Variants in DCC observed in about 807,000 individuals in gnomAD.
The protein encoded by DCC is DCC netrin 1 receptor, also known as netrin receptor DCC.
DCC carries 58 observed loss-of-function variants against 172.5 expected under a neutral mutation model. The ratio of observed to expected loss-of-function variants is 0.34; its 90% confidence interval spans 0.27 to 0.42. The LOEUF (loss-of-function observed/expected upper bound fraction) is 0.42. Ranked by LOEUF, DCC falls within the 10% of genes least tolerant of loss-of-function variation. The pLI, the probability that DCC is intolerant of heterozygous loss-of-function variation, is 1.00. For synonymous variants in DCC, 709 were observed against 644.5 expected (o/e 1.10, Z -1.52); for missense variants, 1,740 against 1,791.0 (o/e 0.97, Z 0.51).
At chr18:53,030,610 C>A (rs768961905) in intron 5 of DCC, among the ~76,000 whole-genome samples, 1 of 152,246 alleles carries the variant, frequency 6.6e-6, no homozygotes, top group Admixed American at 6.5e-5. Context: ...TATGCTGTAA[C>A]AAGGCCCCCA....
chr18:53,417,014 G>A (rs1910350142), intron 21 of DCC, among the ~76,000 whole-genome samples: 2 of 152,174 alleles, frequency 1.3e-5, no homozygotes, highest in South Asian at 4.1e-4. Flanking sequence ...AGTGCTGTCA[G>A]TATTTGTAGA....
chr18:53,154,191 T>A (rs1598854533), intron 7 of DCC, among the ~76,000 whole-genome samples: 1 of 152,150 alleles, frequency 6.6e-6, no homozygotes, highest in African/African-American at 2.4e-5. Context: ...GCATGTCCTG[T>A]ACTGACTCCC....
chr18:52,544,497 G>A (rs184387245), intron 1 of DCC, among the ~76,000 whole-genome samples: 1 of 148,796 alleles, frequency 6.7e-6, no homozygotes, highest in East Asian at 2.0e-4. Flanking sequence ...CCTGCTGTCT[G>A]CTTCCTGCTG....
At chr18:53,124,636 G>A (rs1169524549) in intron 7 of DCC, among the ~76,000 whole-genome samples, 1 of 152,046 alleles carries the variant, frequency 6.6e-6, no homozygotes, top group Non-Finnish European at 1.5e-5. Flanking sequence ...GGGGAGCTCA[G>A]TGATCAGATA....
intron 1 of DCC, among the ~76,000 whole-genome samples, chr18:52,609,555 G>A (rs763766633): frequency 1.3e-5 from 2 of 151,978 alleles, no homozygotes; most frequent in South Asian, 2.1e-4. Flanking sequence ...TTATTTGCTT[G>A]GCACCTATAA....
chr18:52,491,728 T>A (rs979928513), intron 1 of DCC, among the ~76,000 whole-genome samples: 2 of 152,046 alleles, frequency 1.3e-5, no homozygotes, highest in Non-Finnish European at 2.9e-5. Flanking sequence ...AAACATTTGA[T>A]GTATGCAATA....
intron 1 of DCC, among the ~76,000 whole-genome samples, chr18:52,599,679 A>G (rs985947837): frequency 2.0e-5 from 3 of 151,842 alleles, no homozygotes; most frequent in Non-Finnish European, 4.4e-5. Context: ...ACGCCTGACT[A>G]ATTTTTGTAT....
chr18:52,659,021 A>G (rs2144942749), intron 1 of DCC, among the ~76,000 whole-genome samples: 1 of 152,282 alleles, frequency 6.6e-6, no homozygotes, highest in African/African-American at 2.4e-5. Context: ...AAAAACTAAA[A>G]GAAAGTTATC....
intron 1 of DCC, among the ~76,000 whole-genome samples, chr18:52,513,763 G>A (rs1047970638): frequency 6.6e-6 from 1 of 152,084 alleles, no homozygotes; most frequent in Non-Finnish European, 1.5e-5. Flanking sequence ...CTATTTATGG[G>A]CCTGCACTCC....
At chr18:52,757,786 T>A (rs2037098838) in intron 2 of DCC, among the ~76,000 whole-genome samples, 1 of 152,170 alleles carries the variant, frequency 6.6e-6, no homozygotes. Flanking sequence ...TACCTTGTAA[T>A]GCTCAGAAAC....
chr18:53,096,393 T>G (rs1334692249), intron 7 of DCC, among the ~76,000 whole-genome samples: 1 of 152,088 alleles, frequency 6.6e-6, no homozygotes. Context: ...ATAAGAAGTG[T>G]AACTTTCAAT....
At chr18:53,084,108 A>T (rs2042844341) in intron 7 of DCC, among the ~76,000 whole-genome samples, 1 of 152,180 alleles carries the variant, frequency 6.6e-6, no homozygotes, top group Non-Finnish European at 1.5e-5. Flanking sequence ...TGAGAAGTGC[A>T]ACGTTTAGGA....
chr18:52,478,578 A>T (rs1989162935), intron 1 of DCC, among the ~76,000 whole-genome samples: 1 of 152,234 alleles, frequency 6.6e-6, no homozygotes, highest in Admixed American at 6.5e-5. Flanking sequence ...TTCGCTCATG[A>T]ATCTGCAGGC....
chr18:52,343,197 T>C (rs1411716721), intron 1 of DCC, among the ~76,000 whole-genome samples: 1 of 152,244 alleles, frequency 6.6e-6, no homozygotes, highest in Non-Finnish European at 1.5e-5. Flanking sequence ...AATCTGAGTA[T>C]CACTTCTTTC....
intron 17 of DCC, 94 bp from the exon 18 acceptor site, chr18:53,397,214 T>C (rs2145023741): frequency 2.5e-6 from 3 of 1,202,634 alleles, no homozygotes; most frequent in South Asian, 2.5e-5. Context: ...AGATTACTTT[T>C]GTGTTAGCTT....
At chr18:52,360,701 T>C (rs1448239419) in intron 1 of DCC, among the ~76,000 whole-genome samples, 6 of 152,200 alleles carry the variant, frequency 3.9e-5, no homozygotes, top group Non-Finnish European at 7.4e-5. Context: ...TACTGTATGA[T>C]TTTATGAAAA....
intron 9 of DCC, among the ~76,000 whole-genome samples, chr18:53,201,200 G>T (rs2055531524): frequency 6.6e-6 from 1 of 152,148 alleles, no homozygotes; most frequent in African/African-American, 2.4e-5. Context: ...GCTCTCACCT[G>T]CTTTGAATGT....
At chr18:52,606,641 G>T (rs2034137024) in intron 1 of DCC, among the ~76,000 whole-genome samples, 1 of 152,106 alleles carries the variant, frequency 6.6e-6, no homozygotes, top group Non-Finnish European at 1.5e-5. Flanking sequence ...ATTTTAATTA[G>T]CCCCTGATGG....
intron 27 of DCC, among the ~76,000 whole-genome samples, chr18:53,519,553 T>C (rs1053074558): frequency 2.6e-5 from 4 of 151,570 alleles, no homozygotes; most frequent in African/African-American, 9.7e-5. Flanking sequence ...CTTAACCACA[T>C]TTTGAAAATC....
Sources: gnomAD v4.1 joint callset for allele counts (sites outside exome capture counted in the v4.1 genomes callset) on GRCh38, gnomAD v4.1.1 for gene constraint, MANE v1.5 for transcripts, NCBI Gene and HGNC (gene_info 2026-07-23, HGNC 2026-07-21) for gene names.